The following FRMPD4 variants were observed in gnomAD, a reference collection of about 807,000 sequenced individuals.
FRMPD4 encodes the protein FERM and PDZ domain containing 4.
In FRMPD4, 22 loss-of-function variants were observed where a neutral mutation model predicts 94.1. That is an observed-to-expected ratio of 0.23 (90% CI 0.17 to 0.33). The LOEUF (loss-of-function observed/expected upper bound fraction) is 0.33. Ranked by LOEUF, FRMPD4 falls within the 10% of genes least tolerant of loss-of-function variation. FRMPD4 has a pLI of 1.00. For synonymous variants in FRMPD4, 631 were observed against 548.6 expected (o/e 1.15, Z -2.10); for missense variants, 1,111 against 1,339.9 (o/e 0.83, Z 2.67).
At chrX:12,479,705 G>A (rs2057659066) in intron 1 of FRMPD4, among the ~76,000 whole-genome samples, 1 of 107,996 alleles carries the variant, frequency 9.3e-6, no homozygotes, top group Non-Finnish European at 1.9e-5. Flanking sequence ...CCACTGTGTT[G>A]CCCAGGCTCG....
chrX:12,561,336 T>G (rs1413287029), intron 2 of FRMPD4, among the ~76,000 whole-genome samples: 1 of 112,473 alleles, frequency 8.9e-6, no homozygotes, highest in Non-Finnish European at 1.9e-5. Context: ...GAAAAATTCC[T>G]TAGCTATAAG....
chrX:12,297,581 G>A (rs1260147537), intron 1 of FRMPD4, among the ~76,000 whole-genome samples: 2 of 111,679 alleles, frequency 1.8e-5, no homozygotes, highest in Non-Finnish European at 3.8e-5. Flanking sequence ...GGGAATTGTG[G>A]GAAATATAAG....
At chrX:11,928,030 T>A (rs1391516141) in intron 3 of FRMPD4, among the ~76,000 whole-genome samples, 1 of 112,288 alleles carries the variant, frequency 8.9e-6, no homozygotes, top group Non-Finnish European at 1.9e-5. Context: ...ATATCCAGCA[T>A]CCATAAGTAA....
intron 1 of FRMPD4, among the ~76,000 whole-genome samples, chrX:12,415,923 T>G (rs1470600871): frequency 8.9e-6 from 1 of 112,663 alleles, no homozygotes; most frequent in African/African-American, 3.2e-5. Context: ...TGCTGAACTT[T>G]CAGAAAATTT....
At chrX:12,539,511 G>A (rs1317988940) in intron 2 of FRMPD4, among the ~76,000 whole-genome samples, 1 of 111,852 alleles carries the variant, frequency 8.9e-6, no homozygotes, top group Non-Finnish European at 1.9e-5. Flanking sequence ...TTGAAATGAA[G>A]GAAAAAATGT....
chrX:12,148,933 C>G (rs1030944577), intron 1 of FRMPD4, among the ~76,000 whole-genome samples: 3 of 112,029 alleles, frequency 2.7e-5, no homozygotes, highest in Non-Finnish European at 3.8e-5. Context: ...ACTGTTGAGA[C>G]TTATATTCAG....
intron 3 of FRMPD4, among the ~76,000 whole-genome samples, chrX:11,928,410 A>G (rs1164234287): frequency 9.0e-6 from 1 of 111,606 alleles, no homozygotes; most frequent in East Asian, 2.8e-4. Flanking sequence ...GGAAAGCCCC[A>G]TATAAAACCA....
At chrX:12,345,145 G>GATGC (rs1288782004) in intron 1 of FRMPD4, among the ~76,000 whole-genome samples, 1 of 104,285 alleles carries the variant, frequency 9.6e-6, no homozygotes, top group Non-Finnish European at 1.9e-5. Context: ...TGGATGGATG[G>GATGC]ATGGATGGAT....
chrX:12,463,818 C>T (rs773611620), intron 1 of FRMPD4, among the ~76,000 whole-genome samples: 41 of 105,043 alleles, frequency 3.9e-4, no homozygotes, highest in African/African-American at 1.4e-3. Context: ...AAAAATAAAA[C>T]AAAAGATTGT....
intron 1 of FRMPD4, among the ~76,000 whole-genome samples, chrX:12,177,365 G>A (rs998978088): frequency 8.9e-6 from 1 of 111,908 alleles, no homozygotes; most frequent in African/African-American, 3.2e-5. Context: ...TTACAGGTAT[G>A]GTATACTAGG....
rs752750643 is a variant in FRMPD4 at position 12,579,216 on chromosome X, A to G, written c.159-30505A>G. Among the ~76,000 whole-genome samples, 46 of 112,413 alleles carry G rather than the reference A, an allele frequency of 4.1e-4. 1 individual carries two copies. Among genetic ancestry groups the G allele is most frequent in the Non-Finnish European group, 7.1e-4 (38 of 53,278 alleles). ...TTTGATAGTGCTAAATGAATTCTCA[A>G]AATCGGTTTTTTCCATTCTACTTTT... On this transcript the variant is annotated intron_variant, in intron 2 of 16. Transcript: ENST00000675598.
intron 3 of FRMPD4, among the ~76,000 whole-genome samples, chrX:12,133,161 G>C (rs1319264760): frequency 9.0e-6 from 1 of 111,207 alleles, no homozygotes; most frequent in Non-Finnish European, 1.9e-5. Flanking sequence ...AGGAGGAAAG[G>C]CAGAGTACTT....
intron 1 of FRMPD4, among the ~76,000 whole-genome samples, chrX:12,186,583 C>G (rs2056428272): frequency 9.0e-6 from 1 of 111,385 alleles, no homozygotes; most frequent in African/African-American, 3.3e-5. Flanking sequence ...TGAAGATTGG[C>G]AACAGTGACT....
intron 3 of FRMPD4, among the ~76,000 whole-genome samples, chrX:11,917,023 G>A (rs1010524296): frequency 8.9e-6 from 1 of 111,785 alleles, no homozygotes; most frequent in Non-Finnish European, 1.9e-5. Context: ...GGAGAGAGTT[G>A]GGAAACTTCC....
intron 2 of FRMPD4, among the ~76,000 whole-genome samples, chrX:12,564,278 G>A (rs976776278): frequency 1.8e-5 from 2 of 112,487 alleles, no homozygotes; most frequent in Non-Finnish European, 3.8e-5. Flanking sequence ...TCAATCCATA[G>A]CTCTCTACAT....
At chrX:12,472,070 A>G (rs747121842) in intron 1 of FRMPD4, among the ~76,000 whole-genome samples, 7 of 112,606 alleles carry the variant, frequency 6.2e-5, no homozygotes, top group Non-Finnish European at 1.1e-4. Flanking sequence ...AAACAGAGAC[A>G]AGAAATTAGG....
rs192576412 is a variant in FRMPD4, at chrX:12,699,964, T to G, written c.934-1910T>G. Among the ~76,000 whole-genome samples the G allele has an allele frequency of 6.0e-3, 673 of 112,221 alleles. 15 individuals carry two copies. Among genetic ancestry groups the G allele is most frequent in the Admixed American group, 0.056 (599 of 10,656 alleles). ...GAGCAGCGTTCCTTCCTTCTGGGTG[T>G]GGGGCAGGACCCTTTCTGGAATGGG... is the stretch of plus-strand genomic sequence containing the variant. On this transcript the variant is annotated intron_variant, in intron 9 of 16. Coordinates refer to ENST00000675598, the MANE Select transcript of FRMPD4 (RefSeq NM_001368397.1).
intron 5 of FRMPD4, among the ~76,000 whole-genome samples, chrX:12,678,919 G>C (rs2059932519): frequency 8.9e-6 from 1 of 112,686 alleles, no homozygotes; most frequent in African/African-American, 3.2e-5. Flanking sequence ...GGTGTCCCAT[G>C]AGCTAGCATA....
intron 1 of FRMPD4, among the ~76,000 whole-genome samples, chrX:12,351,794 T>G (rs564489211): frequency 4.4e-5 from 5 of 112,963 alleles, no homozygotes; most frequent in African/African-American, 1.6e-4. Context: ...AACACTGTGT[T>G]TGTGAGTTTC....
Sources: allele counts gnomAD v4.1 joint callset (sites outside exome capture counted in the v4.1 genomes callset), GRCh38; gene constraint gnomAD v4.1.1; transcripts MANE v1.5; gene names NCBI Gene and HGNC (gene_info 2026-07-23, HGNC 2026-07-21).